The following PGPEP1 variants were observed in gnomAD, a reference collection of about 807,000 sequenced individuals.
PGPEP1 encodes pyroglutamyl-peptidase 1.
Under a neutral mutation model 24.1 loss-of-function variants are expected in PGPEP1, and 15 were observed. The ratio of observed to expected loss-of-function variants is 0.62; its 90% confidence interval spans 0.42 to 0.96. The LOEUF (loss-of-function observed/expected upper bound fraction) is 0.96, where lower values mean the gene tolerates loss of function less well. Ranked by LOEUF, PGPEP1 falls within the 40% of genes least tolerant of loss-of-function variation. The probability of loss-of-function intolerance (pLI) is 0.00; values close to 1 mark genes in which losing one functional copy is unlikely to be tolerated. For missense variants in PGPEP1, 242 were observed against 273.4 expected, an observed-to-expected ratio of 0.89 and a Z score of 0.81; for synonymous variants, 122 against 116.4, an observed-to-expected ratio of 1.05 and a Z score of -0.31.
At chr19:18,352,287 A>AAAAAAAAAAAAAAAAAAAAAAAAAG (rs1568312895) in intron 2 of PGPEP1, among the ~76,000 whole-genome samples, 2 of 148,850 alleles carry the variant, frequency 1.3e-5, no homozygotes, top group African/African-American at 2.5e-5. Flanking sequence ...AAAAAAAAAA[A>AAAAAAAAAAAAAAAAAAAAAAAAAG]TTAGTTGGGT....
chr19:18,355,812 C>T, intron 2 of PGPEP1, 83 bp from the exon 3 acceptor site: 1 of 842,670 alleles, frequency 1.2e-6, no homozygotes, highest in Non-Finnish European at 2.1e-6. Flanking sequence ...TGGAGAACGC[C>T]TGTTTGTTTC....
intron 4 of PGPEP1, among the ~76,000 whole-genome samples, chr19:18,359,137 T>C (rs1029022392): frequency 6.6e-6 from 1 of 151,636 alleles, no homozygotes; most frequent in Non-Finnish European, 1.5e-5. Flanking sequence ...GTAAAAAAAA[T>C]AGCAGGCTGA....
chr19:18,357,476 C>G lies in PGPEP1; in HGVS notation c.298C>G (p.Arg100Gly), dbSNP rs146583529. 6.2e-7 allele frequency: 1 copy of G among 1,613,852 alleles called. No individual in the cohort carries two copies. The highest frequency in any genetic ancestry group is 8.5e-7 in the Non-Finnish European group (1 of 1,179,900). The change falls in exon 4 of 5, where the codon CGC (arginine) becomes GGC (glycine). Residue 100 changes from arginine (R) to glycine (G), a missense_variant. Arg to Gly is a moderately radical substitution (Grantham distance 125, BLOSUM62 -2). Coordinates refer to ENST00000269919, the MANE Select transcript of PGPEP1 (RefSeq NM_017712.4). ...NKGYKGLDNC[R>G]FCPGSQCCVE... The stretch of plus-strand genomic sequence containing the variant: ...GGGCTACAAGGGGCTGGACAACTGC[C>G]GCTTTTGCCCCGGCTCCCAGTGCTG...
chr19:18,341,454 G>A (rs189252219), intron 1 of PGPEP1, among the ~76,000 whole-genome samples: 50 of 152,234 alleles, frequency 3.3e-4, no homozygotes, highest in Admixed American at 1.6e-3. Context: ...GTCAAGGAGT[G>A]GGGGGGTCAT....
intron 1 of PGPEP1, among the ~76,000 whole-genome samples, chr19:18,342,022 C>T (rs1970685036): frequency 6.6e-6 from 1 of 152,110 alleles, no homozygotes; most frequent in Non-Finnish European, 1.5e-5. Flanking sequence ...ATTCTCCTGC[C>T]TCAGCCTCCT....
chr19:18,361,118 C>T (rs1337358924), intron 4 of PGPEP1, among the ~76,000 whole-genome samples: 4 of 151,898 alleles, frequency 2.6e-5, no homozygotes, highest in Admixed American at 6.6e-5. Flanking sequence ...AGGTGTGAGC[C>T]TCCGCACCCA....
In PGPEP1 at chr19:18,365,318, T is replaced by C. The variant is rs551106640; in HGVS notation, c.*1735T>C. On this transcript the variant is annotated 3_prime_UTR_variant, in exon 5 of 5. Coordinates refer to ENST00000269919, the MANE Select transcript of PGPEP1 (RefSeq NM_017712.4). ...GTGACACAGTTGGAATCTAATCTTG[T>C]TGGTTTCCCAACATCTAGGTTTTTG... 1 of 152,430 alleles carries C rather than the reference T, an allele frequency of 6.6e-6. No homozygotes were observed. The highest frequency in any genetic ancestry group is 2.1e-4 in the South Asian group (1 of 4,828). 9.4% of individuals were successfully genotyped at this position (152,430 alleles called of 1,614,324 possible). A position where few individuals can be genotyped will look rare whatever the true frequency, so the allele number is the denominator to read the frequency against.
chr19:18,358,284 G>A (rs1444173554), intron 4 of PGPEP1, among the ~76,000 whole-genome samples: 1 of 126,476 alleles, frequency 7.9e-6, no homozygotes, highest in Non-Finnish European at 1.6e-5. Context: ...TTTTGAGACG[G>A]AGTTTTGCTC....
At position 18,369,512 on chromosome 19, in the gene PGPEP1, T is replaced by G. The variant is rs936894583; in HGVS notation, c.*5929T>G. The G allele has an allele frequency of 1.4e-4, 21 of 152,268 alleles. No homozygotes were observed. Among genetic ancestry groups the G allele is most frequent in the African/African-American group, 5.1e-4 (21 of 41,448 alleles). 9.4% of individuals were successfully genotyped at this position (152,268 alleles called of 1,614,324 possible). A position where few individuals can be genotyped will look rare whatever the true frequency, so the allele number is the denominator to read the frequency against. On this transcript the variant is annotated 3_prime_UTR_variant, in exon 5 of 5. Transcript: ENST00000269919. ...TCGTGACACTTTGTCTCAAGGAGAT[T>G]CCACATAGGGATTTGAATTAGGCTT...
At chr19:18,348,125 G>A (rs1970912148) in intron 2 of PGPEP1, among the ~76,000 whole-genome samples, 1 of 152,046 alleles carries the variant, frequency 6.6e-6, no homozygotes, top group Admixed American at 6.6e-5. Flanking sequence ...TGTCTCGTGT[G>A]TCCCGTCTCC....
chr19:18,342,497 A>G (rs1239046920), intron 1 of PGPEP1, among the ~76,000 whole-genome samples: 1 of 152,228 alleles, frequency 6.6e-6, no homozygotes, highest in East Asian at 1.9e-4. Context: ...GTGCCGATTC[A>G]GGGCATTTTG....
intron 2 of PGPEP1, among the ~76,000 whole-genome samples, chr19:18,353,146 C>T (rs985784113): frequency 2.6e-5 from 4 of 151,212 alleles, no homozygotes; most frequent in East Asian, 1.9e-4. Flanking sequence ...CTTGAACTCC[C>T]GACCTCAGGT....
intron 3 of PGPEP1, among the ~76,000 whole-genome samples, chr19:18,356,609 T>C (rs1011634660): frequency 2.6e-5 from 4 of 151,974 alleles, no homozygotes; most frequent in African/African-American, 9.7e-5. Context: ...TTAGGCATGA[T>C]GGTACATGCT....
rs1971527474 is a variant in PGPEP1 at position 18,365,792 on chromosome 19, T to C, written c.*2209T>C. ...TGATGGGTTTCTGTGAAACACATTT[T>C]CCAAGTCTTGGGCTTTCTCTGGAGG... On this transcript the variant is annotated 3_prime_UTR_variant, in exon 5 of 5. Coordinates refer to ENST00000269919, the MANE Select transcript of PGPEP1 (RefSeq NM_017712.4). 1 of 152,298 alleles carries C rather than the reference T, an allele frequency of 6.6e-6. No individual in the cohort carries two copies. Among genetic ancestry groups the C allele is most frequent in the African/African-American group, 2.4e-5 (1 of 41,466 alleles). 9.4% of individuals were successfully genotyped at this position (152,298 alleles called of 1,614,324 possible). A position where few individuals can be genotyped will look rare whatever the true frequency, so the allele number is the denominator to read the frequency against.
At position 18,367,765 on chromosome 19, in the gene PGPEP1, G is replaced by C. The variant is rs1198245034; in HGVS notation, c.*4182G>C. 6.6e-6 allele frequency: 1 copy of C among 152,284 alleles called. No individual in the cohort carries two copies. Among genetic ancestry groups the C allele is most frequent in the Non-Finnish European group, 1.5e-5 (1 of 68,178 alleles). The allele number at this position is 152,284 out of a possible 1,614,324, so 9.4% of individuals were successfully genotyped here. A position where few individuals can be genotyped will look rare whatever the true frequency, so the allele number is the denominator to read the frequency against. ...GGGCTGGGCAGGGACAGGGGGTGGG[G>C]GCCGAAATCACAGCTTCCCCATCAG... On this transcript the variant is annotated 3_prime_UTR_variant, in exon 5 of 5. Coordinates refer to ENST00000269919, the MANE Select transcript of PGPEP1 (RefSeq NM_017712.4).
At chr19:18,354,940 A>G (rs1206871876) in intron 2 of PGPEP1, among the ~76,000 whole-genome samples, 1 of 143,226 alleles carries the variant, frequency 7.0e-6, no homozygotes, top group Non-Finnish European at 1.5e-5. Context: ...TTTGAAAGCT[A>G]TCCTGTGAGG....
rs1182095202 is a variant in PGPEP1 at position 18,347,787 on chromosome 19, C to T, written c.87+4876C>T. ...TAGCTGGGACTACAGGTGCACGCCA[C>T]CACGCCCAGCTAATTTTTGTATTTT... On this transcript the variant is annotated intron_variant, in intron 2 of 4. Coordinates refer to ENST00000269919, the MANE Select transcript of PGPEP1 (RefSeq NM_017712.4). 2.0e-5 allele frequency among the ~76,000 whole-genome samples: 3 copies of T among 152,228 alleles called. No homozygotes were observed. In the East Asian group the frequency reaches 5.8e-4, roughly 29 times the overall value.
In PGPEP1 at chr19:18,363,643, C is replaced by A; in HGVS notation, c.*60C>A. On this transcript the variant is annotated 3_prime_UTR_variant, in exon 5 of 5. Coordinates refer to ENST00000269919, the MANE Select transcript of PGPEP1 (RefSeq NM_017712.4). ...GGGGACCCCACGAGGGGACATCCAC[C>A]CTCTGGGGTGTGGCCAGGAAAAGAC... 7.5e-7 allele frequency: 1 copy of A among 1,330,546 alleles called. No homozygotes were observed. Among genetic ancestry groups the A allele is most frequent in the East Asian group, 2.4e-5 (1 of 41,086 alleles). 82.4% of individuals were successfully genotyped at this position (1,330,546 alleles called of 1,614,324 possible). A position where few individuals can be genotyped will look rare whatever the true frequency, so the allele number is the denominator to read the frequency against.
intron 2 of PGPEP1, among the ~76,000 whole-genome samples, chr19:18,355,501 T>C (rs922680272): frequency 6.6e-6 from 1 of 152,070 alleles, no homozygotes; most frequent in Non-Finnish European, 1.5e-5. Flanking sequence ...CCTCAGGTGA[T>C]CCGCCCACCT....
Sources: allele counts gnomAD v4.1 joint callset (sites outside exome capture counted in the v4.1 genomes callset), GRCh38; gene constraint gnomAD v4.1.1; transcripts MANE v1.5; gene names NCBI Gene and HGNC (gene_info 2026-07-23, HGNC 2026-07-21).